Variants in TONSL observed in about 807,000 individuals in gnomAD.
TONSL encodes the protein tonsoku-like protein.
TONSL carries 112 observed loss-of-function variants against 147.1 expected under a neutral mutation model. The observed-to-expected ratio is 0.76, with a 90% CI of 0.65 to 0.89. The LOEUF (loss-of-function observed/expected upper bound fraction) is 0.89. Among genes scored for constraint, TONSL ranks in the 40% least tolerant of loss-of-function variants. TONSL has a pLI of 0.00. For synonymous variants in TONSL, 868 were observed against 801.5 expected, an observed-to-expected ratio of 1.08 and a Z score of -1.40; for missense variants, 1,883 against 1,864.6, an observed-to-expected ratio of 1.01 and a Z score of -0.18.
In TONSL at chr8:144,436,332, G is replaced by A. The variant is rs762444134; in HGVS notation, c.2101C>T (p.Pro701Ser). 8.0e-6 allele frequency: 12 copies of A among 1,502,906 alleles called. No homozygotes were observed. The highest frequency in any genetic ancestry group is 1.8e-4 in the Middle Eastern group (1 of 5,588). 93.1% of individuals were successfully genotyped at this position (1,502,906 alleles called of 1,614,324 possible). The change falls in exon 17 of 26, where the codon CCC becomes TCC. Residue 701 changes from proline (P) to serine (S), a missense_variant. Pro to Ser is a moderately conservative substitution (Grantham distance 74, BLOSUM62 -1). Transcript: ENST00000409379. ...GGGAGTCTAGTGCTATTAGAGGGGG[G>A]TTCTGGGCAGGGGCTCAAAGGAGGA... Reference protein sequence around the residue: ...TSPPLSPCPEPPSNSTRLPEA... With the variant: ...TSPPLSPCPESPSNSTRLPEA...
intron 22 of TONSL, chr8:144,432,772 C>A (rs2620630): frequency 0.52 from 135,475 of 258,362 alleles, 35,984 homozygotes; most frequent in East Asian, 0.64. Context: ...TTGCTGCCCC[C>A]CTTACACTCC....
At position 144,430,533 on chromosome 8, in the gene TONSL, G is replaced by C. The variant is rs782477480; in HGVS notation, c.3814C>G (p.Leu1272Val). The C allele has an allele frequency of 6.2e-7, 1 of 1,609,444 alleles. No homozygotes were observed. The change falls in exon 25 of 26, where the codon CTC becomes GTC. Residue 1272 changes from leucine to valine, a missense_variant. Physicochemically the swap from Leu to Val is conservative, Grantham distance 32. Transcript: ENST00000409379. ...GAGATGAGTGAGGGGCACAGAGAGA[G>C]ACATCTGAGATAACATGGGAAGAAG... ...DKAVRDLCRC[L>V]SLCPSLISLD...
intron 25 of TONSL, among the ~76,000 whole-genome samples, chr8:144,429,845 GCA>G (rs1823106934): frequency 6.6e-6 from 1 of 152,194 alleles, no homozygotes; most frequent in African/African-American, 2.4e-5. Context: ...CCCGCTTCGT[GCA>G]CATTCACTTA....
chr8:144,433,344 G>A lies in TONSL; in HGVS notation c.3559+244C>T, dbSNP rs1586683413. On this transcript the variant is annotated intron_variant, in intron 22 of 25. Transcript: ENST00000409379. ...GCCCGCCTTGGCCTCCCAAAGTGCT[G>A]GGATTACAGGCGTGAGCCACTGCGC... is the stretch of plus-strand genomic sequence containing the variant. 2.6e-5 allele frequency: 11 copies of A among 424,744 alleles called. No individual in the cohort carries two copies. The East Asian group carries it at 5.1e-4, about 20-fold the overall frequency. The allele number at this position is 424,744 out of a possible 1,614,324, so 26.3% of individuals were successfully genotyped here.
rs997773675 is a variant in TONSL at position 144,443,947 on chromosome 8, C to T, written c.199G>A (p.Ala67Thr). ...RERADDPLGC[A>T]VAHRKIGERL... is the part of the protein sequence containing the mutation. ...TCTCCGATCTTGCGGTGGGCCACGG[C>T]ACAGCCCAGAGGGTCGTCAGCGCGC... Residue 67 changes from alanine (A) to threonine (T), a missense_variant, in exon 3 of 26, where the codon GCC becomes ACC. Ala to Thr is a moderately conservative substitution (Grantham distance 58). Coordinates refer to ENST00000409379, the MANE Select transcript of TONSL (RefSeq NM_013432.5). 2 of 1,543,622 alleles carry T rather than the reference C, an allele frequency of 1.3e-6. No homozygotes were observed. Among genetic ancestry groups the T allele is most frequent in the African/African-American group, 1.4e-5 (1 of 73,054 alleles).
intron 22 of TONSL, 157 bp from the exon 23 acceptor site, chr8:144,432,617 A>AT: frequency 1.4e-6 from 1 of 706,670 alleles, no homozygotes. Context: ...TCTCGCCCAG[A>AT]TTCTCCCAGC....
intron 11 of TONSL, 118 bp downstream of exon 11, chr8:144,439,903 G>C (rs1224034992): frequency 1.6e-6 from 1 of 617,080 alleles, no homozygotes; most frequent in Admixed American, 3.1e-5. Context: ...TGGCCGTCCT[G>C]CCTGCCTGTG....
chr8:144,430,351 A>T (rs1823132202), intron 25 of TONSL, 53 bp downstream of exon 25: 1 of 1,493,792 alleles, frequency 6.7e-7, no homozygotes, highest in African/African-American at 1.4e-5. Context: ...GGTCTCAGGC[A>T]GGTCCCTGAA....
intron 23 of TONSL, among the ~76,000 whole-genome samples, chr8:144,431,836 T>C (rs1168713593): frequency 4.1e-5 from 6 of 147,840 alleles, no homozygotes; most frequent in African/African-American, 5.0e-5. Flanking sequence ...TTCTTTCTTT[T>C]TTTTTTTTTT....
At chr8:144,439,488 G>A (rs1042868486) in intron 11 of TONSL, among the ~76,000 whole-genome samples, 2 of 152,114 alleles carry the variant, frequency 1.3e-5, no homozygotes, top group African/African-American at 2.4e-5. Flanking sequence ...CTCATGGACA[G>A]GCTCCTGCCA....
rs374083447 is a variant in TONSL, at chr8:144,442,186, T to C, written c.751-35A>G. The C allele has an allele frequency of 6.9e-6, 11 of 1,597,944 alleles. No homozygotes were observed. In the African/African-American group the frequency reaches 1.5e-4, roughly 21 times the overall value. On this transcript the variant is annotated intron_variant, in intron 6 of 25. Transcript: ENST00000409379. ...AAAGGACAGCAAAGGTTTTGCAGAA[T>C]CCCCAAGGCCCGAATCTACGAGAGC...
At position 144,433,649 on chromosome 8, in the gene TONSL, C is replaced by A. The variant is rs550271349; in HGVS notation, c.3498G>T (p.Ala1166=). The A allele has an allele frequency of 1.9e-6, 3 of 1,613,176 alleles. No individual in the cohort carries two copies. Among genetic ancestry groups the A allele is most frequent in the African/African-American group, 2.7e-5 (2 of 74,942 alleles). The change falls in exon 22 of 26, where the codon GCG becomes GCT. Residue 1166 remains alanine, a synonymous_variant. Coordinates refer to ENST00000409379, the MANE Select transcript of TONSL (RefSeq NM_013432.5). ...CPLLSTLRLQ[A]CGFGPSFFLS... ...GAAAGAAGCTGGGGCCGAAGCCACA[C>A]GCCTGCAGGCGCAGGGTGCTGAGTA...
In TONSL at chr8:144,433,983, A is replaced by T. The variant is rs782478845; in HGVS notation, c.3382T>A (p.Leu1128Met). Residue 1128 changes from leucine (L) to methionine (M), a missense_variant, in exon 21 of 26, where the codon TTG becomes ATG. Coordinates refer to ENST00000409379, the MANE Select transcript of TONSL (RefSeq NM_013432.5). The stretch of plus-strand genomic sequence containing the variant: ...GCTGCTCTCTGTGCCTATACCTGCA[A>T]GGTGGCTTGGCCTGGGAGCCCCATG... ...LAMGLPGQAT[L>M]QSLEELDLSM... The T allele has an allele frequency of 4.4e-6, 7 of 1,583,556 alleles. No homozygotes were observed. The highest frequency in any genetic ancestry group is 6.0e-6 in the Non-Finnish European group (7 of 1,162,490).
intron 7 of TONSL, 87 bp from the exon 8 acceptor site, chr8:144,441,198 C>T: frequency 1.3e-6 from 2 of 1,517,112 alleles, no homozygotes; most frequent in Non-Finnish European, 1.8e-6. Flanking sequence ...CCTGTGGTGG[C>T]CCCCCCACTC....
intron 14 of TONSL, 39 bp from the exon 15 acceptor site, chr8:144,436,959 C>T (rs752210143): frequency 1.7e-5 from 28 of 1,612,096 alleles, no homozygotes; most frequent in Non-Finnish European, 2.1e-5. Flanking sequence ...CCCGATGCCC[C>T]GCCAGGACTG....
chr8:144,434,999 C>A lies in TONSL; in HGVS notation c.3006+18G>T, dbSNP rs1177007368. 6.2e-7 allele frequency: 1 copy of A among 1,612,064 alleles called. No homozygotes were observed. Among genetic ancestry groups the A allele is most frequent in the East Asian group, 2.2e-5 (1 of 44,838 alleles). The stretch of plus-strand genomic sequence containing the variant: ...CCGGTGCCTGAGGCCCTGGCTCCCC[C>A]TCCGCTCTGCGGCTCACCTCGTCAT... On this transcript the variant is annotated intron_variant, in intron 19 of 25. Transcript: ENST00000409379.
At chr8:144,429,418 C>CT (rs1402113705) in intron 25 of TONSL, 82 bp from the exon 26 acceptor site, 1 of 1,282,042 alleles carries the variant, frequency 7.8e-7, no homozygotes, top group East Asian at 3.1e-5. Context: ...AGGGAACAAA[C>CT]TCGCTTTCGC....
intron 13 of TONSL, among the ~76,000 whole-genome samples, chr8:144,437,918 T>C (rs188904167): frequency 6.6e-6 from 1 of 152,278 alleles, no homozygotes; most frequent in Non-Finnish European, 1.5e-5. Context: ...TGGCTTTTCT[T>C]CTGAGACAGG....
chr8:144,440,232 A>G (rs773549208), intron 10 of TONSL, 22 bp from the exon 11 acceptor site: 3 of 1,573,976 alleles, frequency 1.9e-6, no homozygotes, highest in South Asian at 1.1e-5. Flanking sequence ...AGGGATGCTC[A>G]GCTCAGGACT....
Sources: allele counts gnomAD v4.1 joint callset (sites outside exome capture counted in the v4.1 genomes callset), GRCh38; gene constraint gnomAD v4.1.1; transcripts MANE v1.5; gene names NCBI Gene and HGNC (gene_info 2026-07-23, HGNC 2026-07-21).